Variants in KPNA1 observed in about 807,000 individuals in gnomAD.
The protein encoded by KPNA1 is karyopherin subunit alpha 1.
In KPNA1, 10 loss-of-function variants were observed where a neutral mutation model predicts 70.5. That is an observed-to-expected ratio of 0.14 (90% CI 0.09 to 0.24). KPNA1 has a LOEUF of 0.24. Ranked by LOEUF, KPNA1 falls within the 10% of genes least tolerant of loss-of-function variation. The pLI is 1.00. For synonymous variants in KPNA1, 192 were observed against 221.9 expected, an observed-to-expected ratio of 0.87 and a Z score of 1.20; for missense variants, 397 against 637.9, an observed-to-expected ratio of 0.62 and a Z score of 4.07.
At chr3:122,497,710 T>C (rs771548325) in intron 1 of KPNA1, among the ~76,000 whole-genome samples, 2 of 152,230 alleles carry the variant, frequency 1.3e-5, no homozygotes, top group African/African-American at 4.8e-5. Context: ...TTGGTAACTG[T>C]GTATCTCCCA....
chr3:122,500,576 T>C (rs1267022271), intron 1 of KPNA1, among the ~76,000 whole-genome samples: 2 of 152,024 alleles, frequency 1.3e-5, no homozygotes, highest in African/African-American at 2.4e-5. Flanking sequence ...TGGCTCACTG[T>C]AGCATCAACC....
intron 12 of KPNA1, 63 bp from the exon 13 acceptor site, chr3:122,427,779 T>C (rs1235497427): frequency 1.7e-6 from 2 of 1,153,512 alleles, no homozygotes; most frequent in Non-Finnish European, 2.4e-6. Context: ...ATGAAATTAG[T>C]GAGCAAGTCA....
At chr3:122,503,337 T>C (rs2076852013) in intron 1 of KPNA1, among the ~76,000 whole-genome samples, 1 of 152,128 alleles carries the variant, frequency 6.6e-6, no homozygotes, top group Non-Finnish European at 1.5e-5. Context: ...AATGAAGGCA[T>C]ATAGGAAGTC....
chr3:122,469,993 C>CT (rs1469578339), intron 2 of KPNA1, among the ~76,000 whole-genome samples: 1 of 152,050 alleles, frequency 6.6e-6, no homozygotes, highest in Non-Finnish European at 1.5e-5. Flanking sequence ...AGTAGACCTG[C>CT]TTTGCAAGAA....
intron 1 of KPNA1, among the ~76,000 whole-genome samples, chr3:122,508,993 C>A (rs2076922301): frequency 6.6e-6 from 1 of 152,130 alleles, no homozygotes; most frequent in Admixed American, 6.5e-5. Flanking sequence ...CGCCTGTAAT[C>A]CCAGCACTTT....
Position 122,427,797 on chromosome 3 carries a change from C to T in KPNA1, c.1251-81G>A. The T allele has an allele frequency of 4.6e-6, 4 of 866,934 alleles. No individual in the cohort carries two copies. The South Asian group carries it at 1.0e-4, about 22-fold the overall frequency. 53.7% of individuals were successfully genotyped at this position (866,934 alleles called of 1,614,324 possible). On this transcript the variant is annotated intron_variant, in intron 12 of 13. Coordinates refer to ENST00000344337, the MANE Select transcript of KPNA1 (RefSeq NM_002264.4). ...AAATTAGTGAGCAAGTCATCCTCAA[C>T]TTCACTGCAGAGACTTAAAAAAAAA...
At chr3:122,431,110 G>A (rs144680273) in intron 12 of KPNA1, among the ~76,000 whole-genome samples, 1 of 152,176 alleles carries the variant, frequency 6.6e-6, no homozygotes, top group East Asian at 1.9e-4. Flanking sequence ...TGTTATATAT[G>A]TATTAACATT....
chr3:122,461,365 T>C (rs375246272), intron 4 of KPNA1, 47 bp from the exon 5 acceptor site: 4 of 1,313,474 alleles, frequency 3.0e-6, no homozygotes, highest in African/African-American at 1.5e-5. Flanking sequence ...TTGATTTCAA[T>C]GCAAGAACTT....
rs2075787814 is a variant in KPNA1 at position 122,423,897 on chromosome 3, A to G, written c.*3088T>C. The G allele has an allele frequency of 6.6e-6, 1 of 152,288 alleles. No homozygotes were observed. Among genetic ancestry groups the G allele is most frequent in the African/African-American group, 2.4e-5 (1 of 41,458 alleles). The allele number at this position is 152,288 out of a possible 1,614,324, so 9.4% of individuals were successfully genotyped here. A position where few individuals can be genotyped will look rare whatever the true frequency, so the allele number is the denominator to read the frequency against. Reference sequence around the variant, plus strand: ...CAATCCTAGGGCAATAGTTTTTTCAAAAGCGGAACTGACAAAGATAAGCGT... The same window carrying G: ...CAATCCTAGGGCAATAGTTTTTTCAGAAGCGGAACTGACAAAGATAAGCGT... On this transcript the variant is annotated 3_prime_UTR_variant, in exon 14 of 14. Transcript: ENST00000344337.
At chr3:122,506,354 A>C (rs1245946113) in intron 1 of KPNA1, among the ~76,000 whole-genome samples, 1 of 152,232 alleles carries the variant, frequency 6.6e-6, no homozygotes, top group African/African-American at 2.4e-5. Flanking sequence ...AAAAGTTATG[A>C]ATTTAAATAA....
Position 122,424,024 on chromosome 3 carries a change from A to C in KPNA1, c.*2961T>G, listed in dbSNP as rs2075789594. ...CTTTCTTCTATCATCTACCTTACCC[A>C]AAATTTCTCAATCCAACCACATCTA... On this transcript the variant is annotated 3_prime_UTR_variant, in exon 14 of 14. Transcript: ENST00000344337. 1 of 152,198 alleles carries C rather than the reference A, an allele frequency of 6.6e-6. No homozygotes were observed. The highest frequency in any genetic ancestry group is 1.5e-5 in the Non-Finnish European group (1 of 68,022). The allele number at this position is 152,198 out of a possible 1,614,324, so 9.4% of individuals were successfully genotyped here.
intron 5 of KPNA1, among the ~76,000 whole-genome samples, chr3:122,456,254 G>GT (rs1446260731): frequency 6.6e-6 from 1 of 152,102 alleles, no homozygotes; most frequent in Non-Finnish European, 1.5e-5. Flanking sequence ...GTCATATGAT[G>GT]TAAGTATAAA....
At chr3:122,511,080 C>G (rs186359692) in intron 1 of KPNA1, among the ~76,000 whole-genome samples, 1 of 152,298 alleles carries the variant, frequency 6.6e-6, no homozygotes, top group East Asian at 1.9e-4. Context: ...ACCTTGCACA[C>G]GTAATCACCT....
intron 9 of KPNA1, among the ~76,000 whole-genome samples, chr3:122,449,248 G>A (rs907931737): frequency 2.0e-5 from 3 of 152,178 alleles, no homozygotes; most frequent in Non-Finnish European, 4.4e-5. Flanking sequence ...GACAGATAAG[G>A]AATGACTATT....
At chr3:122,446,349 G>C (rs1407647902) in intron 9 of KPNA1, among the ~76,000 whole-genome samples, 2 of 152,180 alleles carry the variant, frequency 1.3e-5, no homozygotes, top group Non-Finnish European at 2.9e-5. Flanking sequence ...AATCAAATTA[G>C]AACTCAGGAT....
chr3:122,462,279 AT>A (rs1194614896), intron 4 of KPNA1, among the ~76,000 whole-genome samples: 1 of 152,208 alleles, frequency 6.6e-6, no homozygotes, highest in Non-Finnish European at 1.5e-5. Context: ...TTAAATGGCA[AT>A]TTTTAAAAAT....
At chr3:122,460,401 G>A (rs977543515) in intron 5 of KPNA1, 1 of 774,752 alleles carries the variant, frequency 1.3e-6, no homozygotes, top group Non-Finnish European at 1.6e-6. Context: ...ACTTTGGGAG[G>A]CCAAGCAGGT....
rs1489610256 is a variant in KPNA1, at chr3:122,425,193, CTCTT to C, written c.*1788_*1791del. On this transcript the variant is annotated 3_prime_UTR_variant, in exon 14 of 14. Transcript: ENST00000344337. ...GCTGATAAATGTCCTTTGTCTTTGACTCTTTCTAGTTTGAATGAAGTGGATTTTT... is the reference window on the plus strand; with the variant it reads ...GCTGATAAATGTCCTTTGTCTTTGACTCTAGTTTGAATGAAGTGGATTTTT... 2 of 152,636 alleles carry C rather than the reference CTCTT, an allele frequency of 1.3e-5. No individual in the cohort carries two copies. The highest frequency in any genetic ancestry group is 4.8e-5 in the African/African-American group (2 of 41,456). 9.5% of individuals were successfully genotyped at this position (152,636 alleles called of 1,614,324 possible). A position where few individuals can be genotyped will look rare whatever the true frequency, so the allele number is the denominator to read the frequency against.
intron 1 of KPNA1, among the ~76,000 whole-genome samples, chr3:122,507,334 G>A (rs572185193): frequency 6.6e-5 from 10 of 151,852 alleles, no homozygotes; most frequent in South Asian, 6.2e-4. Context: ...CCAGCTACTC[G>A]GGAGGTTGAG....
Sources: allele counts gnomAD v4.1 joint callset (sites outside exome capture counted in the v4.1 genomes callset), GRCh38; gene constraint gnomAD v4.1.1; transcripts MANE v1.5; gene names NCBI Gene and HGNC (gene_info 2026-07-23, HGNC 2026-07-21).